C3orf49: variants seen among roughly 807,000 people sequenced by gnomAD.
C3orf49 encodes putative uncharacterized protein C3orf49.
A neutral mutation model predicts 13.3 loss-of-function variants in C3orf49; 27 were observed. That is an observed-to-expected ratio of 2.02 (90% CI 1.49 to 2.79). The LOEUF is 2.79. Among genes scored for constraint, C3orf49 ranks in the 30% most tolerant of loss-of-function variants. The probability of loss-of-function intolerance (pLI) is 0.00; values close to 1 mark genes in which losing one functional copy is unlikely to be tolerated. For missense variants in C3orf49, 242 were observed against 134.2 expected (o/e 1.80, Z -3.97); for synonymous variants, 87 against 47.6 (o/e 1.83, Z -3.40).
chr3:63,833,914 CT>C, intron 5 of C3orf49: 1 of 459,240 alleles, frequency 2.2e-6, no homozygotes, highest in East Asian at 3.6e-5. Context: ...ATGTTGCTTC[CT>C]ACCACTTAAG....
Position 63,822,789 on chromosome 3 carries a change from C to A in C3orf49, c.126-461C>A, listed in dbSNP as rs369968684. Among the ~76,000 whole-genome samples the A allele has an allele frequency of 1.1e-4, 17 of 152,282 alleles. No homozygotes were observed. The East Asian group carries it at 3.1e-3, about 28-fold the overall frequency. ...CTTGGAGGTTACTCCTTATTGACTACCCTAGCAGACTCTCTCATCTTTTAT... is the reference window on the plus strand; with the variant it reads ...CTTGGAGGTTACTCCTTATTGACTAACCTAGCAGACTCTCTCATCTTTTAT... On this transcript the variant is annotated intron_variant, in intron 1 of 6. Coordinates refer to ENST00000295896, the MANE Select transcript of C3orf49 (RefSeq NM_001355236.2).
chr3:63,837,949 GCA>G (rs753509190), intron 5 of C3orf49: 112 of 1,586,528 alleles, frequency 7.1e-5, no homozygotes, highest in Non-Finnish European at 9.4e-5. Context: ...TAATGTATTT[GCA>G]CATTAAATCC....
chr3:63,824,284 GT>G (rs1286683651), intron 2 of C3orf49, among the ~76,000 whole-genome samples: 1 of 152,136 alleles, frequency 6.6e-6, no homozygotes, highest in African/African-American at 2.4e-5. Context: ...GGAAAAAGTA[GT>G]GATGCAGACT....
chr3:63,807,857 CAAAAA>C, the C3orf49 span, among the ~76,000 whole-genome samples: 3 of 32,244 alleles, frequency 9.3e-5, no homozygotes, highest in African/African-American at 2.6e-4. Context: ...AACTTCATCT[CAAAAA>C]AAAAAAAAAA....
chr3:63,838,611 T>C (rs1025998777), intron 5 of C3orf49: 1 of 1,061,492 alleles, frequency 9.4e-7, no homozygotes, highest in East Asian at 2.8e-5. Flanking sequence ...TCTGAGAGAA[T>C]CATTTGCTTA....
At chr3:63,787,829 C>G in the C3orf49 span, among the ~76,000 whole-genome samples, 1 of 152,320 alleles carries the variant, frequency 6.6e-6, no homozygotes, top group Non-Finnish European at 1.5e-5. Flanking sequence ...CAACCCAACT[C>G]CCAGGTTCTG....
At chr3:63,813,436 C>T in the C3orf49 span, among the ~76,000 whole-genome samples, 1 of 152,106 alleles carries the variant, frequency 6.6e-6, no homozygotes, top group Non-Finnish European at 1.5e-5. Flanking sequence ...ATTTTAAAGG[C>T]CAACACTGAG....
intron 5 of C3orf49, chr3:63,835,126 C>T (rs761533627): frequency 1.9e-6 from 3 of 1,607,562 alleles, no homozygotes; most frequent in Non-Finnish European, 1.7e-6. Context: ...TCTTCATAAG[C>T]ATTTACTTTG....
the C3orf49 span, among the ~76,000 whole-genome samples, chr3:63,780,139 C>T: frequency 6.6e-6 from 1 of 152,092 alleles, no homozygotes; most frequent in Non-Finnish European, 1.5e-5. Context: ...ATCCCTCCAC[C>T]CTCCACCCAC....
chr3:63,848,213 G>A (rs1701942408), intron 6 of C3orf49, among the ~76,000 whole-genome samples, 151 bp from the exon 7 acceptor site: 1 of 152,170 alleles, frequency 6.6e-6, no homozygotes, highest in African/African-American at 2.4e-5. Flanking sequence ...ATCCAGGAGA[G>A]ATTAAGAGTC....
Position 63,819,369 on chromosome 3 carries a change from C to A in C3orf49, c.-103C>A. ...TACATATTTTATTCCGAATAGCCCA[C>A]ACCTTGACAGTACATTCAGTCACTG... On this transcript the variant is annotated 5_prime_UTR_variant, in exon 1 of 7. Transcript: ENST00000295896. 2 of 641,624 alleles carry A rather than the reference C, an allele frequency of 3.1e-6. No individual in the cohort carries two copies. Among genetic ancestry groups the A allele is most frequent in the Admixed American group, 2.5e-5 (1 of 40,114 alleles). The allele number at this position is 641,624 out of a possible 1,614,324, so 39.7% of individuals were successfully genotyped here.
At chr3:63,797,328 A>C in the C3orf49 span, among the ~76,000 whole-genome samples, 1 of 152,100 alleles carries the variant, frequency 6.6e-6, no homozygotes, top group Non-Finnish European at 1.5e-5. Flanking sequence ...GTCCCAGATA[A>C]TATAAGGCTC....
At chr3:63,823,766 TTGTGTGTGTGTGTGTGTGTGTGTGTG>T (rs55765936) in intron 2 of C3orf49, among the ~76,000 whole-genome samples, 197 bp downstream of exon 2, 1 of 122,972 alleles carries the variant, frequency 8.1e-6, no homozygotes, top group African/African-American at 3.1e-5. Flanking sequence ...GTTCATACCG[TTGTGTGTGTGTGTGTGTGTGTGTGTG>T]TGTGTGTGTG....
chr3:63,841,077 T>C (rs1701748533), intron 5 of C3orf49, among the ~76,000 whole-genome samples: 1 of 152,188 alleles, frequency 6.6e-6, no homozygotes, highest in Non-Finnish European at 1.5e-5. Context: ...AATGTAATAG[T>C]ATGAGCCAAA....
chr3:63,795,763 A>G, the C3orf49 span, among the ~76,000 whole-genome samples: 1 of 152,110 alleles, frequency 6.6e-6, no homozygotes, highest in South Asian at 2.1e-4. Flanking sequence ...TTGGCTTCTC[A>G]ATGTAAACAT....
chr3:63,828,027 T>G (rs1451323078), intron 3 of C3orf49, among the ~76,000 whole-genome samples: 1 of 152,222 alleles, frequency 6.6e-6, no homozygotes, highest in Non-Finnish European at 1.5e-5. Context: ...GTGCATACTA[T>G]GTGGAGTGGA....
the C3orf49 span, among the ~76,000 whole-genome samples, chr3:63,803,317 G>A: frequency 6.6e-6 from 1 of 152,182 alleles, no homozygotes; most frequent in Non-Finnish European, 1.5e-5. Context: ...CCATGGCTTG[G>A]ATATGTGACA....
intron 5 of C3orf49, among the ~76,000 whole-genome samples, chr3:63,843,190 C>A: frequency 6.6e-6 from 1 of 152,084 alleles, no homozygotes; most frequent in Non-Finnish European, 1.5e-5. Flanking sequence ...ATGATCTCGG[C>A]TTACTGCAAC....
At chr3:63,806,735 A>T in the C3orf49 span, among the ~76,000 whole-genome samples, 380 of 152,082 alleles carry the variant, frequency 2.5e-3, 2 homozygotes, top group African/African-American at 8.9e-3. Context: ...CATTCTACCC[A>T]TTCTTCAGTT....
Sources: allele counts gnomAD v4.1 joint callset (sites outside exome capture counted in the v4.1 genomes callset), GRCh38; gene constraint gnomAD v4.1.1; transcripts MANE v1.5; gene names NCBI Gene and HGNC (gene_info 2026-07-23, HGNC 2026-07-21).